EBF1: variants seen among roughly 807,000 people sequenced by gnomAD.
EBF1 encodes EBF transcription factor 1, also known as transcription factor COE1.
Under a neutral mutation model 68.4 loss-of-function variants are expected in EBF1, and 10 were observed. The observed-to-expected ratio is 0.15, with a 90% CI of 0.09 to 0.25. The LOEUF is 0.25. EBF1 is among the 10% of genes least tolerant of loss of function. The pLI is 1.00. For missense variants in EBF1, 509 were observed against 794.4 expected (o/e 0.64, Z 4.32); for synonymous variants, 298 against 299.8 (o/e 0.99, Z 0.06).
intron 5 of EBF1, among the ~76,000 whole-genome samples, chr5:159,081,425 G>A (rs1308695691): frequency 1.3e-5 from 2 of 152,282 alleles, no homozygotes; most frequent in East Asian, 1.9e-4. Flanking sequence ...GCGTATGTAA[G>A]GTTCAGGACT....
chr5:158,708,857 TATACATGAATGTTTGGGA>T (rs2127477194), intron 14 of EBF1, among the ~76,000 whole-genome samples: 1 of 152,350 alleles, frequency 6.6e-6, no homozygotes, highest in African/African-American at 2.4e-5. Context: ...CGCCATGGGA[TATACATGAATGTTTGGGA>T]ATTAATAAGC....
Position 158,701,978 on chromosome 5 carries a change from C to T in EBF1, c.1745-2836G>A, listed in dbSNP as rs923929728. On this transcript the variant is annotated intron_variant, in intron 15 of 15. Coordinates refer to ENST00000313708, the MANE Select transcript of EBF1 (RefSeq NM_024007.5). ...CATGTACCCTACTTGGGCAAGACAGCATGCCACAGCATTTCTGGAACATTC... is the reference window on the plus strand; with the variant it reads ...CATGTACCCTACTTGGGCAAGACAGTATGCCACAGCATTTCTGGAACATTC... Among the ~76,000 whole-genome samples, 4 of 152,284 alleles carry T rather than the reference C, an allele frequency of 2.6e-5. No individual in the cohort carries two copies. The South Asian group carries it at 8.3e-4, about 32-fold the overall frequency.
intron 10 of EBF1, among the ~76,000 whole-genome samples, chr5:158,759,908 T>C (rs1227561413): frequency 6.6e-6 from 1 of 151,836 alleles, no homozygotes; most frequent in East Asian, 1.9e-4. Flanking sequence ...AATTTGAATA[T>C]TATTGCACCC....
chr5:158,881,261 G>A (rs1798847071), intron 6 of EBF1, among the ~76,000 whole-genome samples: 1 of 152,182 alleles, frequency 6.6e-6, no homozygotes, highest in Non-Finnish European at 1.5e-5. Flanking sequence ...AAGCTTCATT[G>A]CCCTATTATG....
chr5:158,713,179 GC>G (rs988400793), intron 12 of EBF1, 32 bp from the exon 13 acceptor site: 1 of 1,392,478 alleles, frequency 7.2e-7, no homozygotes, highest in Non-Finnish European at 9.5e-7. Context: ...CCCTTCAGCT[GC>G]CCCCAGTCAT....
At chr5:158,947,782 C>T (rs186257403) in intron 6 of EBF1, among the ~76,000 whole-genome samples, 4 of 152,234 alleles carry the variant, frequency 2.6e-5, no homozygotes, top group East Asian at 3.9e-4. Context: ...AAGCTAAATA[C>T]GAAAGTAAAG....
chr5:158,726,245 C>T (rs549765644), intron 11 of EBF1, among the ~76,000 whole-genome samples: 2 of 152,296 alleles, frequency 1.3e-5, no homozygotes, highest in South Asian at 2.1e-4. Flanking sequence ...ATTCTCCTTA[C>T]TACTAACCAG....
At chr5:158,848,981 C>T (rs2127991549) in intron 6 of EBF1, among the ~76,000 whole-genome samples, 1 of 152,310 alleles carries the variant, frequency 6.6e-6, no homozygotes, top group Non-Finnish European at 1.5e-5. Context: ...ACTTACTCAA[C>T]CAACAGACCT....
chr5:158,972,454 G>A (rs561003502), intron 6 of EBF1, among the ~76,000 whole-genome samples: 2 of 152,198 alleles, frequency 1.3e-5, no homozygotes, highest in Middle Eastern at 3.4e-3. Context: ...AATCATGATC[G>A]GCTTAGCCAT....
chr5:158,702,421 G>A (rs1486293286), intron 15 of EBF1, among the ~76,000 whole-genome samples: 2 of 152,134 alleles, frequency 1.3e-5, no homozygotes, highest in Non-Finnish European at 2.9e-5. Context: ...TGGTGGCTCT[G>A]CCATTTTCCC....
intron 7 of EBF1, among the ~76,000 whole-genome samples, chr5:158,838,485 A>C (rs1582409128): frequency 2.6e-5 from 4 of 151,756 alleles, no homozygotes; most frequent in African/African-American, 9.7e-5. Flanking sequence ...AAAAAGAAAC[A>C]TCCCCATTCC....
At chr5:158,981,524 T>C (rs1757901575) in intron 6 of EBF1, among the ~76,000 whole-genome samples, 1 of 152,202 alleles carries the variant, frequency 6.6e-6, no homozygotes, top group Admixed American at 6.5e-5. Context: ...CATAAATTAG[T>C]GTATTTTAAT....
At chr5:158,752,362 G>T (rs1006288354) in intron 10 of EBF1, among the ~76,000 whole-genome samples, 1 of 146,948 alleles carries the variant, frequency 6.8e-6, no homozygotes, top group Non-Finnish European at 1.5e-5. Context: ...CTTAGGACTT[G>T]AATATCTTCA....
Position 159,007,175 on chromosome 5 carries a change from T to C in EBF1, c.554+66221A>G, listed in dbSNP as rs144755181. Among the ~76,000 whole-genome samples, 4 of 151,720 alleles carry C rather than the reference T, an allele frequency of 2.6e-5. No homozygotes were observed. The East Asian group carries it at 5.8e-4, about 22-fold the overall frequency. On this transcript the variant is annotated intron_variant, in intron 6 of 15. Transcript: ENST00000313708. ...TATAAATAAGTCATTGTTGGCAAAATAAAGAATGTCATCTAATGTCTCAGA... is the reference window on the plus strand; with the variant it reads ...TATAAATAAGTCATTGTTGGCAAAACAAAGAATGTCATCTAATGTCTCAGA...
At chr5:158,709,225 C>T (rs1360467693) in intron 14 of EBF1, among the ~76,000 whole-genome samples, 1 of 152,214 alleles carries the variant, frequency 6.6e-6, no homozygotes, top group East Asian at 1.9e-4. Flanking sequence ...TTTCACACAA[C>T]TTAATAAAAC....
intron 6 of EBF1, among the ~76,000 whole-genome samples, chr5:158,909,607 G>T (rs970468491): frequency 2.6e-5 from 4 of 152,134 alleles, no homozygotes. Context: ...CAGGGGCACT[G>T]GCCATTATGA....
At chr5:158,880,360 A>C (rs1218582868) in intron 6 of EBF1, among the ~76,000 whole-genome samples, 1 of 152,228 alleles carries the variant, frequency 6.6e-6, no homozygotes, top group Non-Finnish European at 1.5e-5. Flanking sequence ...AACATTAATG[A>C]CTTTTAAATA....
chr5:159,071,705 G>A (rs1247958033), intron 6 of EBF1, among the ~76,000 whole-genome samples: 7 of 146,894 alleles, frequency 4.8e-5, no homozygotes, highest in Admixed American at 2.7e-4. Context: ...CAAACCAAAC[G>A]AAGAACTTAA....
intron 6 of EBF1, among the ~76,000 whole-genome samples, chr5:158,894,870 A>T (rs1293740552): frequency 6.6e-6 from 1 of 152,212 alleles, no homozygotes; most frequent in Non-Finnish European, 1.5e-5. Context: ...CTAAGCCAAC[A>T]GTCCCTTATC....
Sources: gnomAD v4.1 joint callset for allele counts (sites outside exome capture counted in the v4.1 genomes callset) on GRCh38, gnomAD v4.1.1 for gene constraint, MANE v1.5 for transcripts, NCBI Gene and HGNC (gene_info 2026-07-23, HGNC 2026-07-21) for gene names.